Variants in ROBO2 observed in about 807,000 individuals in gnomAD.
ROBO2 encodes roundabout guidance receptor 2.
Under a neutral mutation model 160.8 loss-of-function variants are expected in ROBO2, and 53 were observed. That is an observed-to-expected ratio of 0.33 (90% CI 0.26 to 0.41). The LOEUF is 0.41. Ranked by LOEUF, ROBO2 falls within the 10% of genes least tolerant of loss-of-function variation. The pLI is 1.00. For missense variants in ROBO2, 1,577 were observed against 1,722.4 expected, an observed-to-expected ratio of 0.92 and a Z score of 1.49; for synonymous variants, 664 against 611.7, an observed-to-expected ratio of 1.09 and a Z score of -1.26.
At chr3:77,564,920 T>G in intron 11 of ROBO2, 34 bp from the exon 13 acceptor site, 2 of 1,605,608 alleles carry the variant, frequency 1.2e-6, no homozygotes, top group East Asian at 2.2e-5. Flanking sequence ...TTCAAATGAC[T>G]GTTCTTTAAA....
At chr3:77,592,716 T>C (rs1255342681) in intron 17 of ROBO2, among the ~76,000 whole-genome samples, 1 of 152,030 alleles carries the variant, frequency 6.6e-6, no homozygotes, top group Middle Eastern at 3.2e-3. Flanking sequence ...TGCGCCCGGC[T>C]AATTTTTGTA....
Position 76,920,887 on chromosome 3 carries a change from A to T in ROBO2, c.110-177127A>T, listed in dbSNP as rs3883985. On this transcript the variant is annotated intron_variant, in intron 2 of 26. Coordinates refer to the ROBO2 transcript ENST00000487694. ...TTTTTTTAAAAACTCACAGCTTATA[A>T]TGAAAGCAAAAACACAGCAATGGTT... Among the ~76,000 whole-genome samples, 9 of 152,354 alleles carry T rather than the reference A, an allele frequency of 5.9e-5. No homozygotes were observed. The East Asian group carries it at 1.7e-3, about 29-fold the overall frequency.
At chr3:76,634,348 A>G (rs1218351011) in intron 2 of ROBO2, among the ~76,000 whole-genome samples, 2 of 152,146 alleles carry the variant, frequency 1.3e-5, no homozygotes, top group Non-Finnish European at 1.5e-5. Flanking sequence ...CAGGCAGATC[A>G]CTTGAGGTCA....
At chr3:76,099,963 A>G (rs149748218) in intron 2 of ROBO2, among the ~76,000 whole-genome samples, 121 of 152,336 alleles carry the variant, frequency 7.9e-4, no homozygotes, top group African/African-American at 2.5e-3. Flanking sequence ...GGAGAGGATC[A>G]TAGATAATGA....
At chr3:77,420,904 A>G (rs1220722341) in intron 2 of ROBO2, among the ~76,000 whole-genome samples, 2 of 152,116 alleles carry the variant, frequency 1.3e-5, no homozygotes, top group Non-Finnish European at 2.9e-5. Flanking sequence ...TGACAGTTTG[A>G]TTTTAGTATG....
At chr3:75,966,405 G>T (rs1363610885) in intron 2 of ROBO2, among the ~76,000 whole-genome samples, 1 of 151,640 alleles carries the variant, frequency 6.6e-6, no homozygotes, top group Non-Finnish European at 1.5e-5. Flanking sequence ...AATGTTTTTA[G>T]ATCAACAGTT....
chr3:77,343,334 G>A (rs2153452670), intron 2 of ROBO2, among the ~76,000 whole-genome samples: 1 of 152,144 alleles, frequency 6.6e-6, no homozygotes, highest in Admixed American at 6.6e-5. Flanking sequence ...ATAGGCTTTG[G>A]CCACTTCTGT....
intron 2 of ROBO2, among the ~76,000 whole-genome samples, chr3:76,175,915 C>T (rs979113902): frequency 1.3e-4 from 20 of 152,046 alleles, no homozygotes; most frequent in Non-Finnish European, 1.8e-4. Context: ...CACCTTTTAG[C>T]AGAAAATTCA....
At chr3:77,454,051 T>A (rs1459576684) in intron 2 of ROBO2, among the ~76,000 whole-genome samples, 1 of 152,046 alleles carries the variant, frequency 6.6e-6, no homozygotes, top group Non-Finnish European at 1.5e-5. Context: ...ATTAGACATT[T>A]TAAAAAATAG....
chr3:77,363,434 G>A (rs914481021), intron 2 of ROBO2, among the ~76,000 whole-genome samples: 1 of 152,104 alleles, frequency 6.6e-6, no homozygotes, highest in Non-Finnish European at 1.5e-5. Context: ...AAATGTTTCA[G>A]GATTTGCAGG....
chr3:76,130,862 A>G (rs1576984189), intron 2 of ROBO2, among the ~76,000 whole-genome samples: 1 of 152,310 alleles, frequency 6.6e-6, no homozygotes, highest in East Asian at 1.9e-4. Flanking sequence ...TTCAATATTA[A>G]TGATGAATAT....
At chr3:76,712,722 C>T (rs2093319489) in intron 2 of ROBO2, among the ~76,000 whole-genome samples, 1 of 151,650 alleles carries the variant, frequency 6.6e-6, no homozygotes, top group Admixed American at 6.6e-5. Flanking sequence ...ATGAAAAAAG[C>T]TCTATATTTA....
chr3:76,385,924 G>T (rs1252332089), intron 2 of ROBO2, among the ~76,000 whole-genome samples: 1 of 152,114 alleles, frequency 6.6e-6, no homozygotes, highest in Non-Finnish European at 1.5e-5. Context: ...AAGGCCAACA[G>T]AAAATAAGCT....
chr3:76,352,368 C>G (rs28617411), intron 2 of ROBO2, among the ~76,000 whole-genome samples: 1 of 151,786 alleles, frequency 6.6e-6, no homozygotes, highest in Non-Finnish European at 1.5e-5. Flanking sequence ...ACCCTGCTTC[C>G]TCTTCTTGCT....
intron 2 of ROBO2, among the ~76,000 whole-genome samples, chr3:76,695,623 T>C (rs2092911114): frequency 6.6e-6 from 1 of 152,208 alleles, no homozygotes; most frequent in Non-Finnish European, 1.5e-5. Flanking sequence ...AATATACTGA[T>C]GGCAAACACT....
intron 2 of ROBO2, among the ~76,000 whole-genome samples, chr3:76,527,925 A>C (rs2082031734): frequency 6.6e-6 from 1 of 152,140 alleles, no homozygotes; most frequent in East Asian, 1.9e-4. Context: ...GTGCTAAGGC[A>C]AGAGTGTGCC....
chr3:76,478,716 C>T (rs1399199367), intron 2 of ROBO2, among the ~76,000 whole-genome samples: 2 of 142,622 alleles, frequency 1.4e-5, no homozygotes, highest in Non-Finnish European at 3.0e-5. Context: ...CATGCTCACT[C>T]TCTCAGCTCG....
intron 2 of ROBO2, among the ~76,000 whole-genome samples, chr3:76,451,433 C>G (rs555116959): frequency 1.3e-5 from 2 of 152,236 alleles, no homozygotes; most frequent in African/African-American, 4.8e-5. Context: ...CATAGCTGTT[C>G]AATCATTAAT....
At chr3:76,427,980 A>G (rs551373515) in intron 2 of ROBO2, among the ~76,000 whole-genome samples, 1 of 152,320 alleles carries the variant, frequency 6.6e-6, no homozygotes, top group East Asian at 1.9e-4. Flanking sequence ...TAAAAAATAT[A>G]GATACTATCA....
Sources: gnomAD v4.1 joint callset for allele counts (sites outside exome capture counted in the v4.1 genomes callset) on GRCh38, gnomAD v4.1.1 for gene constraint, MANE v1.5 for transcripts, NCBI Gene and HGNC (gene_info 2026-07-23, HGNC 2026-07-21) for gene names.